Variants in ATM observed in about 807,000 individuals in gnomAD.
ATM encodes the protein serine-protein kinase ATM.
ATM carries 308 observed loss-of-function variants against 387.0 expected under a neutral mutation model. The ratio of observed to expected loss-of-function variants is 0.80; its 90% CI spans 0.73 to 0.87. ATM has a LOEUF of 0.87. Ranked by LOEUF, ATM falls within the 40% of genes least tolerant of loss-of-function variation. ATM has a pLI of 0.00. For synonymous variants in ATM, 1,156 were observed against 1,187.3 expected, an observed-to-expected ratio of 0.97 and a Z score of 0.54; for missense variants, 3,312 against 3,560.9, an observed-to-expected ratio of 0.93 and a Z score of 1.78.
intron 45 of ATM, among the ~76,000 whole-genome samples, chr11:108,323,727 A>C (rs1046435979): frequency 6.6e-6 from 1 of 152,200 alleles, no homozygotes; most frequent in Non-Finnish European, 1.5e-5. Context: ...GAAACACCTA[A>C]AGAATAATCT....
At chr11:108,291,201 A>G (rs1227942368) in intron 29 of ATM, among the ~76,000 whole-genome samples, 1 of 152,128 alleles carries the variant, frequency 6.6e-6, no homozygotes, top group Non-Finnish European at 1.5e-5. Flanking sequence ...GCACCACTGC[A>G]CTCCAGCCTG....
At chr11:108,226,218 GCTTGGTGTACGAATGATC>G (rs2078728668) in intron 1 of ATM, 1 of 152,072 alleles carries the variant, frequency 6.6e-6, no homozygotes, top group South Asian at 2.1e-4. Flanking sequence ...TGTTGCTGAG[GCTTGGTGTACGAATGATC>G]CTGTCACTCA....
intron 5 of ATM, among the ~76,000 whole-genome samples, chr11:108,241,425 T>C: frequency 6.6e-6 from 1 of 152,240 alleles, no homozygotes; most frequent in East Asian, 1.9e-4. Flanking sequence ...CATGATTGTA[T>C]GTATTATACT....
At chr11:108,316,172 G>A (rs2136135823) in intron 42 of ATM, 59 bp downstream of exon 42, 2 of 1,436,314 alleles carry the variant, frequency 1.4e-6, no homozygotes, top group Non-Finnish European at 2.0e-6. Context: ...GGTTATTTCA[G>A]TATGTTGGTG....
chr11:108,275,687 G>GC (rs1239550864), intron 22 of ATM, among the ~76,000 whole-genome samples: 1 of 152,102 alleles, frequency 6.6e-6, no homozygotes, highest in Non-Finnish European at 1.5e-5. Context: ...TTGAATATTG[G>GC]CCCCCACTCT....
intron 9 of ATM, among the ~76,000 whole-genome samples, chr11:108,249,411 T>C (rs548789077): frequency 6.6e-6 from 1 of 152,330 alleles, no homozygotes; most frequent in African/African-American, 2.4e-5. Flanking sequence ...ATTGTACGCT[T>C]CAACAATAGA....
rs878853483 is a variant in ATM at position 108,250,695 on chromosome 11, T to TC, written c.1236-6_1236-5insC. The TC allele has an allele frequency of 6.2e-7, 1 of 1,601,298 alleles. No homozygotes were observed. The highest frequency in any genetic ancestry group is 1.1e-5 in the South Asian group (1 of 90,440). On this transcript the variant is annotated splice_polypyrimidine_tract_variant and splice_region_variant and intron_variant, in intron 9 of 62. Coordinates refer to ENST00000675843, the MANE Select transcript of ATM (RefSeq NM_000051.4). ...TTTTCAAATTATCCTTTTTTTTTTT[T>TC]TTTAGGCTACAGATTGCAACCCAAT...
At chr11:108,358,960 G>A (rs1387605673) in intron 61 of ATM, among the ~76,000 whole-genome samples, 2 of 152,006 alleles carry the variant, frequency 1.3e-5, no homozygotes, top group African/African-American at 2.4e-5. Flanking sequence ...AACTTTAAAT[G>A]TATATGGACT....
Position 108,229,242 on chromosome 11 carries a change from G to C in ATM, c.250G>C (p.Ala84Pro), listed in dbSNP as rs1382256509. The change falls in exon 4 of 63, where the codon GCC becomes CCC. Residue 84 changes from alanine to proline, a missense_variant. By Grantham distance (27) the Ala-to-Pro change is conservative. Around this residue, in one of 4 missense-constraint regions of ATM, gnomAD observed 1,791 missense variants for 1,804.5 expected, o/e 0.99. Coordinates refer to ENST00000675843, the MANE Select transcript of ATM (RefSeq NM_000051.4). ...GAGAATAGCAAAACCAAATGTATCA[G>C]CCTCAACACAAGCCTCCAGGCAGAA... ...CLRIAKPNVS[A>P]STQASRQKKM... 6.2e-7 allele frequency: 1 copy of C among 1,613,726 alleles called. No individual in the cohort carries two copies.
intron 48 of ATM, 141 bp downstream of exon 48, chr11:108,327,899 G>A (rs888793136): frequency 5.3e-6 from 4 of 750,718 alleles, no homozygotes; most frequent in South Asian, 1.6e-5. Context: ...GCTCTGTATA[G>A]TCTCTAGGGT....
Position 108,235,702 on chromosome 11 carries a change from A to G in ATM, c.364A>G (p.Asn122Asp), listed in dbSNP as rs2079236749. The change falls in exon 5 of 63, where the codon AAT (asparagine) becomes GAT (aspartate). Residue 122 changes from asparagine (N) to aspartate (D), a missense_variant. This residue lies in a region of ATM where 1,791 missense variants were observed against 1,804.5 expected (regional missense o/e 0.99). Coordinates refer to ENST00000675843, the MANE Select transcript of ATM (RefSeq NM_000051.4). ...APRLKCQELL[N>D]YIMDTVKDSS... ...TAGGCTAAAATGTCAAGAACTCTTA[A>G]ATTATATCATGGATACAGTGAAAGA... The G allele has an allele frequency of 1.2e-6, 2 of 1,612,124 alleles. No homozygotes were observed. The highest frequency in any genetic ancestry group is 1.7e-6 in the Non-Finnish European group (2 of 1,178,396).
At chr11:108,350,466 T>C (rs2089054816) in intron 59 of ATM, among the ~76,000 whole-genome samples, 3 of 152,224 alleles carry the variant, frequency 2.0e-5, no homozygotes. Context: ...GAAGCAGTTT[T>C]AGCAGACTCA....
intron 12 of ATM, 74 bp from the exon 13 acceptor site, chr11:108,253,740 A>C (rs1388457788): frequency 1.9e-6 from 2 of 1,055,478 alleles, no homozygotes; most frequent in South Asian, 2.7e-5. Context: ...TTTCCTTTGT[A>C]ATATATTGCT....
intron 59 of ATM, among the ~76,000 whole-genome samples, chr11:108,353,240 C>T (rs1400078120): frequency 6.6e-6 from 1 of 152,064 alleles, no homozygotes; most frequent in Non-Finnish European, 1.5e-5. Context: ...CCTTCACCTC[C>T]CAGGTTCAAG....
At chr11:108,307,845 G>C (rs947274887) in intron 37 of ATM, 52 bp from the exon 38 acceptor site, 2 of 1,469,288 alleles carry the variant, frequency 1.4e-6, no homozygotes, top group African/African-American at 2.8e-5. Flanking sequence ...GAAGGAAGAA[G>C]GTGTGTAAGC....
intron 10 of ATM, among the ~76,000 whole-genome samples, 187 bp from the exon 11 acceptor site, chr11:108,251,650 C>G (rs2080152950): frequency 1.3e-5 from 2 of 152,158 alleles, no homozygotes; most frequent in Non-Finnish European, 2.9e-5. Flanking sequence ...AATTGTAGTA[C>G]TATGCACTGT....
intron 40 of ATM, among the ~76,000 whole-genome samples, chr11:108,314,628 T>G (rs1385449701): frequency 1.3e-5 from 2 of 152,138 alleles, no homozygotes; most frequent in African/African-American, 4.8e-5. Context: ...TTGAACAGTG[T>G]AAGGGTTAGA....
chr11:108,227,891 A>G lies in ATM; in HGVS notation c.185+3A>G, dbSNP rs1372755571. 1.2e-6 allele frequency: 2 copies of G among 1,600,100 alleles called. No individual in the cohort carries two copies. The highest frequency in any genetic ancestry group is 1.7e-6 in the Non-Finnish European group (2 of 1,169,588). Reference sequence around the variant, plus strand: ...TTGAATTGGGATGCTGTTTTTAGGTATTCTATTCAAATTTATTTTACTGTC... The same window carrying G: ...TTGAATTGGGATGCTGTTTTTAGGTGTTCTATTCAAATTTATTTTACTGTC... On this transcript the variant is annotated splice_donor_region_variant and intron_variant, in intron 3 of 62. Coordinates refer to ENST00000675843, the MANE Select transcript of ATM (RefSeq NM_000051.4).
intron 13 of ATM, among the ~76,000 whole-genome samples, chr11:108,255,340 C>T (rs779566032): frequency 4.0e-5 from 6 of 151,614 alleles, no homozygotes; most frequent in Non-Finnish European, 5.9e-5. Flanking sequence ...AATGCCGTTT[C>T]CTACCCTGTA....
Sources: allele counts gnomAD v4.1 joint callset (sites outside exome capture counted in the v4.1 genomes callset), GRCh38; gene constraint gnomAD v4.1.1; regional missense constraint gnomAD v4.1.1; transcripts MANE v1.5; gene names NCBI Gene and HGNC (gene_info 2026-07-23, HGNC 2026-07-21).